Variants in CAPN13 observed in about 807,000 individuals in gnomAD.
CAPN13 encodes calpain-13.
Under a neutral mutation model 98.4 loss-of-function variants are expected in CAPN13, and 90 were observed. The observed-to-expected ratio is 0.92, with a 90% CI of 0.77 to 1.09. The LOEUF (loss-of-function observed/expected upper bound fraction) is 1.09. Ranked by LOEUF, CAPN13 falls within the 50% of genes least tolerant of loss-of-function variation. CAPN13 has a pLI of 0.00. For missense variants in CAPN13, 887 were observed against 841.3 expected (o/e 1.05, Z -0.67); for synonymous variants, 330 against 305.5 (o/e 1.08, Z -0.84).
rs1672291855 is a variant in CAPN13, at chr2:30,753,710, A to G, written c.942-512T>C. 2.0e-5 allele frequency among the ~76,000 whole-genome samples: 3 copies of G among 152,180 alleles called. No individual in the cohort carries two copies. In the South Asian group the frequency reaches 6.2e-4, roughly 32 times the overall value. On this transcript the variant is annotated intron_variant, in intron 9 of 22. Transcript: ENST00000295055. ...CTCTGATTCTTAATTATTTAGATCC[A>G]TGCTCCTTTCCACACATGCTAATTT...
chr2:30,792,868 C>T (rs751525292), intron 1 of CAPN13, among the ~76,000 whole-genome samples: 10 of 151,698 alleles, frequency 6.6e-5, no homozygotes, highest in Non-Finnish European at 1.3e-4. Flanking sequence ...AGAAAGATAC[C>T]ACATCATAAG....
At chr2:30,777,017 T>G (rs1226454945) in intron 3 of CAPN13, among the ~76,000 whole-genome samples, 2 of 152,200 alleles carry the variant, frequency 1.3e-5, no homozygotes, top group Non-Finnish European at 2.9e-5. Flanking sequence ...AGGGTTGTTG[T>G]TTTTGCTGTC....
At chr2:30,736,261 C>T (rs1671359567) in intron 18 of CAPN13, among the ~76,000 whole-genome samples, 1 of 152,100 alleles carries the variant, frequency 6.6e-6, no homozygotes, top group Admixed American at 6.5e-5. Context: ...CTTTAGCTTA[C>T]AGAGACAGCA....
intron 1 of CAPN13, among the ~76,000 whole-genome samples, chr2:30,800,140 G>GAAAAGAAAGAAAAGAAAGAAAAGAAAGA (rs761859358): frequency 6.9e-6 from 1 of 145,158 alleles, no homozygotes; most frequent in African/African-American, 2.7e-5. Context: ...AAGAAAGAAA[G>GAAAAGAAAGAAAAGAAAGAAAAGAAAGA]AAAGAAAGAA....
intron 1 of CAPN13, among the ~76,000 whole-genome samples, chr2:30,795,370 A>G (rs758880309): frequency 5.3e-5 from 8 of 152,106 alleles, no homozygotes; most frequent in Non-Finnish European, 8.8e-5. Flanking sequence ...CCAATTTATA[A>G]TTTCACCAAC....
rs770580620 is a variant in CAPN13 at position 30,754,280 on chromosome 2, G to A, written c.941+10C>T. On this transcript the variant is annotated intron_variant, in intron 9 of 22. Coordinates refer to ENST00000295055, the MANE Select transcript of CAPN13 (RefSeq NM_144575.3). The stretch of plus-strand genomic sequence containing the variant: ...GATTTAAAACACCATTGTATAAGAA[G>A]GGTAAATACCAAAACTCGCCATCTT... The A allele has an allele frequency of 6.3e-7, 1 of 1,597,356 alleles. No individual in the cohort carries two copies. Among genetic ancestry groups the A allele is most frequent in the Non-Finnish European group, 8.5e-7 (1 of 1,172,138 alleles).
chr2:30,735,919 G>C (rs1414028931), intron 18 of CAPN13, among the ~76,000 whole-genome samples: 1 of 152,108 alleles, frequency 6.6e-6, no homozygotes, highest in African/African-American at 2.4e-5. Context: ...GGAGGGGAGA[G>C]GCAGGAGGGG....
chr2:30,782,061 G>A (rs539126393), intron 2 of CAPN13, among the ~76,000 whole-genome samples: 2 of 152,090 alleles, frequency 1.3e-5, no homozygotes, highest in Non-Finnish European at 2.9e-5. Flanking sequence ...GTTATATTAG[G>A]TATGTCAGAG....
intron 2 of CAPN13, among the ~76,000 whole-genome samples, chr2:30,784,750 A>G (rs1055537155): frequency 6.6e-6 from 1 of 152,168 alleles, no homozygotes; most frequent in South Asian, 2.1e-4. Flanking sequence ...ATCTAACTAT[A>G]TGACTTTGGG....
At chr2:30,807,203 A>C (rs1024335894) in intron 1 of CAPN13, 99 bp downstream of exon 1, 1 of 152,188 alleles carries the variant, frequency 6.6e-6, no homozygotes, top group African/African-American at 2.4e-5. Flanking sequence ...GGAACTCAGA[A>C]GCGACATCAT....
At chr2:30,779,022 T>G (rs1192027771) in intron 2 of CAPN13, among the ~76,000 whole-genome samples, 1 of 152,202 alleles carries the variant, frequency 6.6e-6, no homozygotes, top group Non-Finnish European at 1.5e-5. Flanking sequence ...GTCTCCTCTC[T>G]CTACTGGAAA....
chr2:30,763,124 C>T lies in CAPN13; in HGVS notation c.732G>A (p.Gly244=), dbSNP rs762856184. Residue 244 remains glycine (G), a synonymous_variant, in exon 7 of 23, where the codon GGG becomes GGA. Coordinates refer to ENST00000295055, the MANE Select transcript of CAPN13 (RefSeq NM_144575.3). ...CAGTGTAGGCATGGAGACTCACCAG[C>T]CCATTCTCCATCGCCTGTGCTGTAT... ...PTDTAQAMEN[G]LVSLHAYTVT... is the part of the protein sequence containing the mutation. The T allele has an allele frequency of 3.1e-6, 5 of 1,611,582 alleles. No homozygotes were observed. The Admixed American group carries it at 6.7e-5, about 22-fold the overall frequency.
intron 13 of CAPN13, chr2:30,743,036 A>C: frequency 3.6e-6 from 1 of 277,172 alleles, no homozygotes. Flanking sequence ...TCCCATGGCT[A>C]CCATCGCCTT....
chr2:30,772,234 A>T (rs1338901459), intron 4 of CAPN13, among the ~76,000 whole-genome samples: 3 of 152,084 alleles, frequency 2.0e-5, no homozygotes, highest in African/African-American at 4.8e-5. Flanking sequence ...TGGCATTTGG[A>T]TCATGTCTGT....
At chr2:30,746,562 C>A (rs535633112) in intron 11 of CAPN13, 2 of 173,088 alleles carry the variant, frequency 1.2e-5, no homozygotes, top group African/African-American at 2.4e-5. Context: ...GCTCTTGCAG[C>A]CTGAGGATGT....
At chr2:30,754,884 C>A (rs908920547) in intron 8 of CAPN13, among the ~76,000 whole-genome samples, 4 of 152,160 alleles carry the variant, frequency 2.6e-5, no homozygotes, top group Non-Finnish European at 4.4e-5. Flanking sequence ...TGCCCACTTT[C>A]CCATCCGTTC....
intron 19 of CAPN13, among the ~76,000 whole-genome samples, chr2:30,733,334 T>TCTTCTGCTTGCCAC (rs58789902): frequency 6.6e-6 from 1 of 151,816 alleles, no homozygotes; most frequent in East Asian, 1.9e-4. Context: ...AGCCAGGTCC[T>TCTTCTGCTTGCCAC]GTTCTCAGTC....
At chr2:30,768,589 G>A (rs982106984) in intron 5 of CAPN13, among the ~76,000 whole-genome samples, 7 of 152,158 alleles carry the variant, frequency 4.6e-5, no homozygotes, top group Admixed American at 2.6e-4. Context: ...CTATTTCCAG[G>A]TGTGCCGCCT....
intron 4 of CAPN13, among the ~76,000 whole-genome samples, chr2:30,772,597 A>T (rs980850283): frequency 2.0e-5 from 3 of 152,192 alleles, no homozygotes; most frequent in South Asian, 2.1e-4. Flanking sequence ...TCCTTGAACC[A>T]GCAGCACTAG....
Sources: allele counts gnomAD v4.1 joint callset (sites outside exome capture counted in the v4.1 genomes callset), GRCh38; gene constraint gnomAD v4.1.1; transcripts MANE v1.5; gene names NCBI Gene and HGNC (gene_info 2026-07-23, HGNC 2026-07-21).